CEP164: variants seen among roughly 807,000 people sequenced by gnomAD.
CEP164 encodes the protein centrosomal protein 164, also known as centrosomal protein of 164 kDa.
CEP164 carries 162 observed loss-of-function variants against 182.7 expected under a neutral mutation model. The observed-to-expected ratio is 0.89, with a 90% CI of 0.78 to 1.01. The LOEUF (loss-of-function observed/expected upper bound fraction) is 1.01, where lower values mean the gene tolerates loss of function less well. Among genes scored for constraint, CEP164 ranks in the 50% least tolerant of loss-of-function variants. CEP164 has a pLI of 0.00. For synonymous variants in CEP164, 661 were observed against 690.0 expected (o/e 0.96, Z 0.66); for missense variants, 1,735 against 1,790.4 (o/e 0.97, Z 0.56).
intron 10 of CEP164, among the ~76,000 whole-genome samples, chr11:117,374,538 T>C (rs1233869277): frequency 1.3e-5 from 2 of 152,186 alleles, no homozygotes; most frequent in Non-Finnish European, 2.9e-5. Flanking sequence ...CTGTGTGTGC[T>C]CGCCTCTCAC....
In CEP164 at chr11:117,382,797, G is replaced by A. The variant is rs774471424; in HGVS notation, c.1579G>A (p.Glu527Lys). 1.9e-6 allele frequency: 3 copies of A among 1,613,950 alleles called. No individual in the cohort carries two copies. The South Asian group carries it at 3.3e-5, about 18-fold the overall frequency. The change falls in exon 14 of 33, where the codon GAG becomes AAG. Residue 527 changes from glutamate to lysine, a missense_variant and splice_region_variant. Coordinates refer to ENST00000278935, the MANE Select transcript of CEP164 (RefSeq NM_014956.5). The stretch of plus-strand genomic sequence containing the variant: ...AGTTGTTTCCTTACTGCTATCAAGG[G>A]AGCAGGCCCCAAGCCCACCTGCTGC... ...SLSLQLSLQR[E>K]QAPSPPAACE...
rs2044757675 is a variant in CEP164 at position 117,392,297 on chromosome 11, C to T, written c.2355C>T (p.His785=). 1.2e-6 allele frequency: 2 copies of T among 1,610,370 alleles called. No individual in the cohort carries two copies. The highest frequency in any genetic ancestry group is 1.1e-5 in the South Asian group (1 of 90,920). ...ERLCSSLEAK[H]REVVSSLQKK... ...TCTGCTCCTCATTGGAGGCCAAGCA[C>T]CGGGAGGTAAGATGCAGCATCCTGG... The change falls in exon 18 of 33, where the codon CAC becomes CAT. Residue 785 remains histidine, a synonymous_variant. Coordinates refer to ENST00000278935, the MANE Select transcript of CEP164 (RefSeq NM_014956.5).
chr11:117,332,243 G>A (rs540108385), intron 1 of CEP164, among the ~76,000 whole-genome samples: 1 of 152,152 alleles, frequency 6.6e-6, no homozygotes, highest in Non-Finnish European at 1.5e-5. Flanking sequence ...AGAAGTTTGT[G>A]GTTTAACAGG....
At chr11:117,356,447 C>G in intron 5 of CEP164, 1 of 1,263,332 alleles carries the variant, frequency 7.9e-7, no homozygotes, top group Non-Finnish European at 1.0e-6. Context: ...GTCATGGGAG[C>G]CAGAGCTGCT....
intron 8 of CEP164, among the ~76,000 whole-genome samples, chr11:117,364,614 A>C (rs1434047976): frequency 6.9e-6 from 1 of 144,848 alleles, no homozygotes; most frequent in East Asian, 2.0e-4. Context: ...CCCAGGCTGG[A>C]GTACACGTCA....
At chr11:117,359,499 A>C in intron 5 of CEP164, 2 of 985,400 alleles carry the variant, frequency 2.0e-6, no homozygotes, top group South Asian at 9.4e-5. Flanking sequence ...TGAGCATCTG[A>C]TGCAGAAATG....
In CEP164 at chr11:117,409,994, C is replaced by G; in HGVS notation, c.4096+29C>G. On this transcript the variant is annotated intron_variant, in intron 30 of 32. Transcript: ENST00000278935. This position sits in a 1 kb window ranked among gnomAD's most constrained non-coding sequence, Gnocchi z 4.4. Reference sequence around the variant, plus strand: ...AGCCCCACTCTGGGCGGAGCCTTCCCACCTGCCTCCTCCTCCTCCTCTTCC... The same window carrying G: ...AGCCCCACTCTGGGCGGAGCCTTCCGACCTGCCTCCTCCTCCTCCTCTTCC... The G allele has an allele frequency of 6.3e-7, 1 of 1,583,674 alleles. No individual in the cohort carries two copies. Among genetic ancestry groups the G allele is most frequent in the Non-Finnish European group, 8.7e-7 (1 of 1,154,148 alleles).
upstream of CEP164, among the ~76,000 whole-genome samples, chr11:117,324,458 T>A (rs905628070): frequency 8.7e-5 from 13 of 149,160 alleles, no homozygotes; most frequent in South Asian, 6.3e-4. Context: ...AAAAAAAAAA[T>A]TTGTGTGTCA....
Position 117,409,141 on chromosome 11 carries a change from C to A in CEP164, c.3748+113C>A. ...CCCTGCAGAGGGAGGCCTCTGTGAG[C>A]CGGTGTCTGGACTAGGTGCTCGGTC... On this transcript the variant is annotated intron_variant, in intron 29 of 32. Transcript: ENST00000278935. The surrounding 1 kb of genome is among the most constrained non-coding windows in gnomAD (Gnocchi z 4.4). 2 of 1,400,716 alleles carry A rather than the reference C, an allele frequency of 1.4e-6. No homozygotes were observed. Among genetic ancestry groups the A allele is most frequent in the Non-Finnish European group, 9.7e-7 (1 of 1,027,426 alleles). 86.8% of individuals were successfully genotyped at this position (1,400,716 alleles called of 1,614,324 possible).
Position 117,411,424 on chromosome 11 carries a change from T to C in CEP164, c.4164-371T>C, listed in dbSNP as rs2047346001. 1 of 275,822 alleles carries C rather than the reference T, an allele frequency of 3.6e-6. No individual in the cohort carries two copies. Among genetic ancestry groups the C allele is most frequent in the African/African-American group, 2.2e-5 (1 of 46,294 alleles). 17.1% of individuals were successfully genotyped at this position (275,822 alleles called of 1,614,324 possible). A position where few individuals can be genotyped will look rare whatever the true frequency, so the allele number is the denominator to read the frequency against. ...CCAAATGTTTTCCCCTCTCCCTCCC[T>C]TAGGCAGCTAACAGTGAGTACCCCC... On this transcript the variant is annotated intron_variant, in intron 31 of 32. Transcript: ENST00000278935. This position sits in a 1 kb window ranked among gnomAD's most constrained non-coding sequence, Gnocchi z 4.4.
At chr11:117,347,752 T>C (rs1263020775) in intron 4 of CEP164, among the ~76,000 whole-genome samples, 16 of 152,030 alleles carry the variant, frequency 1.1e-4, no homozygotes, top group Admixed American at 1.0e-3. Flanking sequence ...CCTATTAGGA[T>C]TTTTATTGTG....
chr11:117,409,579 G>A lies in CEP164; in HGVS notation c.3749-39G>A. The stretch of plus-strand genomic sequence containing the variant: ...GTCTGGGAATGGTCCAGGGTCCTGA[G>A]CTTGAGTCCCTTCCCACCATCCACC... On this transcript the variant is annotated intron_variant, in intron 29 of 32. Transcript: ENST00000278935. This position sits in a 1 kb window ranked among gnomAD's most constrained non-coding sequence, Gnocchi z 4.4. The A allele has an allele frequency of 1.3e-6, 2 of 1,558,132 alleles. No homozygotes were observed. Among genetic ancestry groups the A allele is most frequent in the Non-Finnish European group, 8.7e-7 (1 of 1,144,796 alleles).
In CEP164 at chr11:117,394,484, C is replaced by T. The variant is rs773321813; in HGVS notation, c.2751C>T (p.His917=). The stretch of plus-strand genomic sequence containing the variant: ...GTCTTGAGGACTTGCGGCGCCGGCA[C>T]AGGGAGCAGGTGAGGGGCCTGGGGC... ...HKRLEDLRRR[H]REQERKLQDL... Residue 917 remains histidine (H), a synonymous_variant, in exon 21 of 33, where the codon CAC becomes CAT. Coordinates refer to ENST00000278935, the MANE Select transcript of CEP164 (RefSeq NM_014956.5). This position sits in a 1 kb window ranked among gnomAD's most constrained non-coding sequence, Gnocchi z 4.0. 1.2e-6 allele frequency: 2 copies of T among 1,613,818 alleles called. No individual in the cohort carries two copies. Among genetic ancestry groups the T allele is most frequent in the Admixed American group, 1.7e-5 (1 of 60,010 alleles).
At chr11:117,388,945 T>A (rs888944634) in intron 15 of CEP164, among the ~76,000 whole-genome samples, 2 of 151,724 alleles carry the variant, frequency 1.3e-5, no homozygotes, top group East Asian at 1.9e-4. Flanking sequence ...TTTTTTTTTT[T>A]ATTTTTAGTA....
rs538937913 is a variant in CEP164 at position 117,351,826 on chromosome 11, C to T, written c.231C>T (p.Phe77=). 85 of 1,613,764 alleles carry T rather than the reference C, an allele frequency of 5.3e-5. No individual in the cohort carries two copies. In the East Asian group the frequency reaches 9.1e-4, roughly 17 times the overall value. Residue 77 remains phenylalanine (F), a synonymous_variant, in exon 5 of 33, where the codon TTC becomes TTT. Coordinates refer to ENST00000278935, the MANE Select transcript of CEP164 (RefSeq NM_014956.5). ...DITGDIYYFN[F]ANGQSMWDHP... ...CAGGTGACATTTACTATTTCAACTT[C>T]GCCAACGGGCAGTCTATGTGGGACC... is the stretch of plus-strand genomic sequence containing the variant.
At chr11:117,349,556 G>A (rs1382513583) in intron 4 of CEP164, among the ~76,000 whole-genome samples, 3 of 152,078 alleles carry the variant, frequency 2.0e-5, no homozygotes, top group African/African-American at 7.2e-5. Context: ...TGTAACCATA[G>A]CTCACTGCAG....
chr11:117,382,221 C>T (rs2043398531), intron 13 of CEP164, among the ~76,000 whole-genome samples: 1 of 152,168 alleles, frequency 6.6e-6, no homozygotes, highest in Non-Finnish European at 1.5e-5. Flanking sequence ...ACCCTGGCTG[C>T]TCCATTCCTG....
upstream of CEP164, among the ~76,000 whole-genome samples, chr11:117,325,801 T>A (rs1217152457): frequency 6.6e-6 from 1 of 151,974 alleles, no homozygotes; most frequent in African/African-American, 2.4e-5. Flanking sequence ...CATGATGACG[T>A]CAATCTAAAT....
At chr11:117,381,667 G>A (rs1374125084) in intron 12 of CEP164, 34 bp from the exon 13 acceptor site, 4 of 1,588,216 alleles carry the variant, frequency 2.5e-6, no homozygotes, top group Non-Finnish European at 3.4e-6. Context: ...CAAATGGAGG[G>A]GCCTGACTCT....
Sources: allele counts gnomAD v4.1 joint callset (sites outside exome capture counted in the v4.1 genomes callset), GRCh38; gene constraint gnomAD v4.1.1; non-coding constraint Gnocchi (gnomAD v3.1); transcripts MANE v1.5; gene names NCBI Gene and HGNC (gene_info 2026-07-23, HGNC 2026-07-21).